The following WWTR1 variants were observed in gnomAD, a reference collection of about 807,000 sequenced individuals.
WWTR1 encodes WW domain-containing transcription regulator protein 1.
In WWTR1, 13 loss-of-function variants were observed where a neutral mutation model predicts 40.1. That is an observed-to-expected ratio of 0.32 (90% CI 0.21 to 0.52). The LOEUF (loss-of-function observed/expected upper bound fraction) is 0.52. Among genes scored for constraint, WWTR1 ranks in the 20% least tolerant of loss-of-function variants. The pLI, the probability that WWTR1 is intolerant of heterozygous loss-of-function variation, is 0.97. For missense variants in WWTR1, 436 were observed against 523.1 expected (o/e 0.83, Z 1.63); for synonymous variants, 230 against 210.1 (o/e 1.09, Z -0.82).
rs745519980 is a variant in WWTR1 at position 149,542,479 on chromosome 3, G to C, written c.627C>G (p.His209Gln). ...GCCCTGCGGGTGGGTTCTGAGTGGG[G>C]TGGTTCTGCTGGCTCAGGGTACTGG... is the stretch of plus-strand genomic sequence containing the variant. ...MAPSTLSQQN[H>Q]PTQNPPAGLM... Residue 209 changes from histidine to glutamine, a missense_variant, in exon 4 of 7, where the codon CAC becomes CAG. By Grantham distance (24) the His-to-Gln change is conservative. Coordinates refer to ENST00000360632, the MANE Select transcript of WWTR1 (RefSeq NM_015472.6). The C allele has an allele frequency of 1.9e-6, 3 of 1,614,038 alleles. No homozygotes were observed. In the Admixed American group the frequency reaches 5.0e-5, roughly 27 times the overall value.
chr3:149,588,605 G>A (rs757647091), intron 2 of WWTR1, among the ~76,000 whole-genome samples: 1 of 152,000 alleles, frequency 6.6e-6, no homozygotes, highest in Non-Finnish European at 1.5e-5. Context: ...ACATAATCCC[G>A]TTTTGGTAAA....
At chr3:149,532,990 T>C (rs781423936) in intron 4 of WWTR1, among the ~76,000 whole-genome samples, 19 of 152,272 alleles carry the variant, frequency 1.2e-4, no homozygotes, top group Non-Finnish European at 2.2e-4. Flanking sequence ...GTGGTGCAGC[T>C]GCCTTCACTC....
intron 2 of WWTR1, among the ~76,000 whole-genome samples, chr3:149,621,494 G>A (rs183060624): frequency 3.0e-4 from 45 of 152,210 alleles, no homozygotes; most frequent in African/African-American, 1.0e-3. Context: ...CCCATGGTCA[G>A]GACTATTTGG....
chr3:149,603,554 C>CCCGG (rs1739349158), intron 2 of WWTR1, among the ~76,000 whole-genome samples: 1 of 146,502 alleles, frequency 6.8e-6, no homozygotes, highest in African/African-American at 2.6e-5. Flanking sequence ...TTCCCCACCC[C>CCCGG]CCCCTTGTAC....
chr3:149,577,252 GA>G (rs1241687896), intron 2 of WWTR1, among the ~76,000 whole-genome samples: 2 of 152,050 alleles, frequency 1.3e-5, no homozygotes, highest in African/African-American at 4.8e-5. Context: ...GGGACAAATG[GA>G]ATCAATCACC....
chr3:149,587,514 C>G (rs1490287803), intron 2 of WWTR1, among the ~76,000 whole-genome samples: 1 of 152,184 alleles, frequency 6.6e-6, no homozygotes, highest in African/African-American at 2.4e-5. Flanking sequence ...GTAATACAAA[C>G]ATTTCTGTCT....
intron 3 of WWTR1, among the ~76,000 whole-genome samples, chr3:149,559,261 T>C: frequency 8.3e-6 from 1 of 120,862 alleles, no homozygotes; most frequent in Non-Finnish European, 1.6e-5. Flanking sequence ...GCCACTGCAC[T>C]CCAGCCTGGG....
chr3:149,651,770 C>T (rs889343927), intron 2 of WWTR1, among the ~76,000 whole-genome samples: 6 of 151,772 alleles, frequency 4.0e-5, no homozygotes, highest in African/African-American at 1.5e-4. Context: ...AATCCTGACA[C>T]ACAAGGCAAT....
intron 2 of WWTR1, among the ~76,000 whole-genome samples, chr3:149,605,778 T>C (rs780797938): frequency 6.6e-6 from 1 of 152,170 alleles, no homozygotes; most frequent in Non-Finnish European, 1.5e-5. Context: ...GAAGCTGCTT[T>C]CTTACCACTA....
chr3:149,551,289 AC>A (rs1736608328), intron 3 of WWTR1, among the ~76,000 whole-genome samples: 1 of 125,196 alleles, frequency 8.0e-6, no homozygotes, highest in South Asian at 3.0e-4. Flanking sequence ...CAAGAGTGAA[AC>A]TTCGTCTCCA....
intron 2 of WWTR1, among the ~76,000 whole-genome samples, chr3:149,586,933 G>T (rs1428713676): frequency 6.6e-6 from 1 of 152,202 alleles, no homozygotes; most frequent in East Asian, 1.9e-4. Flanking sequence ...GGGTGTGGAA[G>T]CTCCAAGTAC....
chr3:149,606,337 C>G (rs894813997), intron 2 of WWTR1, among the ~76,000 whole-genome samples: 3 of 152,178 alleles, frequency 2.0e-5, no homozygotes, highest in African/African-American at 7.2e-5. Context: ...GCTATATGCC[C>G]TGGGTTTCTC....
intron 1 of WWTR1, among the ~76,000 whole-genome samples, chr3:149,683,624 G>C (rs187661574): frequency 1.4e-3 from 215 of 152,338 alleles, no homozygotes; most frequent in African/African-American, 4.8e-3. Flanking sequence ...AACCTGGGAG[G>C]TGGAGGTTGC....
intron 4 of WWTR1, among the ~76,000 whole-genome samples, chr3:149,539,672 A>T (rs1164979858): frequency 6.6e-6 from 1 of 152,184 alleles, no homozygotes; most frequent in African/African-American, 2.4e-5. Context: ...ATCTCTCCAA[A>T]TTCCTACCAG....
At chr3:149,547,611 C>T (rs1321579889) in intron 3 of WWTR1, among the ~76,000 whole-genome samples, 4 of 152,096 alleles carry the variant, frequency 2.6e-5, no homozygotes, top group African/African-American at 9.7e-5. Context: ...CACAAACTGC[C>T]TCAAAAAGGC....
At chr3:149,558,747 G>A (rs1384524621) in intron 3 of WWTR1, among the ~76,000 whole-genome samples, 1 of 152,032 alleles carries the variant, frequency 6.6e-6, no homozygotes, top group Non-Finnish European at 1.5e-5. Flanking sequence ...CAAAATAACT[G>A]GCCTATATAT....
intron 2 of WWTR1, among the ~76,000 whole-genome samples, chr3:149,596,091 T>A (rs1230317278): frequency 6.6e-6 from 1 of 152,120 alleles, no homozygotes; most frequent in East Asian, 1.9e-4. Flanking sequence ...ACTGGTATTG[T>A]CTTGGGAGAC....
At chr3:149,606,638 A>G (rs901073941) in intron 2 of WWTR1, among the ~76,000 whole-genome samples, 2 of 152,178 alleles carry the variant, frequency 1.3e-5, no homozygotes, top group Non-Finnish European at 2.9e-5. Context: ...AAGTGCTGAG[A>G]ATAGAGTGAT....
intron 1 of WWTR1, among the ~76,000 whole-genome samples, chr3:149,699,870 C>T (rs1159520109): frequency 6.6e-6 from 1 of 152,214 alleles, no homozygotes; most frequent in African/African-American, 2.4e-5. Flanking sequence ...TGCCTGTGAC[C>T]CAGTTCCAAA....
Sources: gnomAD v4.1 joint callset for allele counts (sites outside exome capture counted in the v4.1 genomes callset) on GRCh38, gnomAD v4.1.1 for gene constraint, MANE v1.5 for transcripts, NCBI Gene and HGNC (gene_info 2026-07-23, HGNC 2026-07-21) for gene names.